Variants in IFT80 observed in about 807,000 individuals in gnomAD.
IFT80 encodes intraflagellar transport 80.
A neutral mutation model predicts 107.9 loss-of-function variants in IFT80; 79 were observed. That is an observed-to-expected ratio of 0.73 (90% CI 0.61 to 0.88). The LOEUF is 0.88. Among genes scored for constraint, IFT80 ranks in the 40% least tolerant of loss-of-function variants. The pLI, the probability that IFT80 is intolerant of heterozygous loss-of-function variation, is 0.00. For missense variants in IFT80, 797 were observed against 914.2 expected, an observed-to-expected ratio of 0.87 and a Z score of 1.65; for synonymous variants, 299 against 300.9, an observed-to-expected ratio of 0.99 and a Z score of 0.07.
intron 8 of IFT80, among the ~76,000 whole-genome samples, chr3:160,327,356 C>G (rs1012617092): frequency 6.6e-6 from 1 of 151,988 alleles, no homozygotes; most frequent in Non-Finnish European, 1.5e-5. Flanking sequence ...CAAAAAAGAG[C>G]CTGAACAGCC....
At chr3:160,345,693 CAAAAAAAAAA>C (rs75389794) in intron 8 of IFT80, among the ~76,000 whole-genome samples, 1 of 74,882 alleles carries the variant, frequency 1.3e-5, no homozygotes, top group Admixed American at 1.7e-4. Flanking sequence ...GACTCTGTCT[CAAAAAAAAAA>C]AAAAAAAAAA....
At chr3:160,287,535 G>A (rs893288766) in intron 12 of IFT80, among the ~76,000 whole-genome samples, 1 of 152,166 alleles carries the variant, frequency 6.6e-6, no homozygotes, top group Non-Finnish European at 1.5e-5. Context: ...AGGATGAAAG[G>A]GCAGGGGATG....
intron 12 of IFT80, among the ~76,000 whole-genome samples, chr3:160,290,399 C>T (rs1715454208): frequency 7.2e-6 from 1 of 138,094 alleles, no homozygotes; most frequent in Admixed American, 7.8e-5. Context: ...CAGCGCGAGA[C>T]TGTCTCAAAA....
At chr3:160,309,259 A>G (rs1056398996) in intron 9 of IFT80, among the ~76,000 whole-genome samples, 10 of 152,238 alleles carry the variant, frequency 6.6e-5, no homozygotes, top group Non-Finnish European at 4.4e-5. Flanking sequence ...TATTAGTAAT[A>G]GCAAAAGACT....
intron 8 of IFT80, among the ~76,000 whole-genome samples, chr3:160,349,899 G>C (rs1344699770): frequency 2.6e-5 from 4 of 152,122 alleles, no homozygotes. Context: ...AGAAGAAAAG[G>C]TGAAGAGTCT....
chr3:160,370,349 GTA>G lies in IFT80; in HGVS notation c.440-4199_440-4198del, dbSNP rs992935424. Among the ~76,000 whole-genome samples, 6 of 151,426 alleles carry G rather than the reference GTA, an allele frequency of 4.0e-5. No individual in the cohort carries two copies. In the Middle Eastern group the frequency reaches 9.5e-3, roughly 240 times the overall value. Reference sequence around the variant, plus strand: ...TGTAATAAGCAAGCATTTGCTTACTGTATTGTTCATAGTAGTAGCCATTTGAT... The same window carrying G: ...TGTAATAAGCAAGCATTTGCTTACTGTTGTTCATAGTAGTAGCCATTTGAT... On this transcript the variant is annotated intron_variant, in intron 5 of 19. Transcript: ENST00000326448.
chr3:160,375,387 T>C (rs1178687736), intron 5 of IFT80, among the ~76,000 whole-genome samples: 3 of 152,080 alleles, frequency 2.0e-5, no homozygotes, highest in African/African-American at 4.8e-5. Context: ...AACATACAAC[T>C]TAATTTGGAA....
chr3:160,324,615 T>C (rs1412105486), intron 8 of IFT80, among the ~76,000 whole-genome samples: 2 of 152,100 alleles, frequency 1.3e-5, no homozygotes, highest in African/African-American at 2.4e-5. Context: ...AATTAGGTAT[T>C]GATGGGACAT....
chr3:160,388,216 CTT>C (rs754817640), intron 1 of IFT80, among the ~76,000 whole-genome samples: 10 of 134,794 alleles, frequency 7.4e-5, no homozygotes, highest in Admixed American at 7.5e-5. Flanking sequence ...GGACTTGTTT[CTT>C]TTTTTTTTTT....
intron 5 of IFT80, among the ~76,000 whole-genome samples, chr3:160,374,334 A>G (rs980330811): frequency 2.0e-5 from 3 of 151,746 alleles, no homozygotes; most frequent in African/African-American, 7.3e-5. Flanking sequence ...GATTGAGTCC[A>G]GGAGGAGGAG....
At chr3:160,308,938 G>C (rs1183101623) in intron 9 of IFT80, among the ~76,000 whole-genome samples, 1 of 152,176 alleles carries the variant, frequency 6.6e-6, no homozygotes, top group Admixed American at 6.5e-5. Context: ...GACACAGCAA[G>C]AAGGCACCAT....
chr3:160,342,003 G>A (rs77238859), intron 8 of IFT80, among the ~76,000 whole-genome samples: 1,891 of 152,238 alleles, frequency 0.012, 41 homozygotes, highest in African/African-American at 0.042. Flanking sequence ...AGCACTGCTT[G>A]TGTTTTTCTC....
intron 6 of IFT80, among the ~76,000 whole-genome samples, chr3:160,361,620 C>T (rs928157679): frequency 2.3e-4 from 35 of 152,040 alleles, no homozygotes; most frequent in African/African-American, 8.0e-4. Context: ...GACCGCATAG[C>T]AGGAAGTAAA....
chr3:160,320,766 T>C (rs961380933), intron 8 of IFT80, among the ~76,000 whole-genome samples: 3 of 151,844 alleles, frequency 2.0e-5, no homozygotes, highest in African/African-American at 7.2e-5. Flanking sequence ...TATATATACA[T>C]ATATATATTT....
chr3:160,384,015 C>T (rs1389871453), intron 2 of IFT80: 6 of 809,414 alleles, frequency 7.4e-6, no homozygotes, highest in African/African-American at 5.6e-5. Flanking sequence ...GAGGCTGGGG[C>T]GGGTGGATCA....
intron 12 of IFT80, among the ~76,000 whole-genome samples, chr3:160,296,124 T>C (rs1464024857): frequency 1.3e-5 from 2 of 152,172 alleles, no homozygotes; most frequent in Non-Finnish European, 2.9e-5. Context: ...TATTGAACTG[T>C]ACCCTGAAAA....
At chr3:160,339,407 T>C (rs1000660420) in intron 8 of IFT80, among the ~76,000 whole-genome samples, 6 of 152,180 alleles carry the variant, frequency 3.9e-5, no homozygotes, top group African/African-American at 1.4e-4. Context: ...GTTATGATTA[T>C]GGGTATTATT....
At chr3:160,330,993 C>T (rs1281278084) in intron 8 of IFT80, among the ~76,000 whole-genome samples, 1 of 152,152 alleles carries the variant, frequency 6.6e-6, no homozygotes, top group Non-Finnish European at 1.5e-5. Flanking sequence ...ATTTATTTTT[C>T]CTCCTTCACA....
chr3:160,344,063 C>G (rs1378078147), intron 8 of IFT80, among the ~76,000 whole-genome samples: 1 of 152,168 alleles, frequency 6.6e-6, no homozygotes, highest in African/African-American at 2.4e-5. Context: ...ATGTTCCCAT[C>G]AATGTTCTAC....
Sources: gnomAD v4.1 joint callset for allele counts (sites outside exome capture counted in the v4.1 genomes callset) on GRCh38, gnomAD v4.1.1 for gene constraint, MANE v1.5 for transcripts, NCBI Gene and HGNC (gene_info 2026-07-23, HGNC 2026-07-21) for gene names.